The following PIP4K2A variants were observed in gnomAD, a reference collection of about 807,000 sequenced individuals.
The protein encoded by PIP4K2A is phosphatidylinositol 5-phosphate 4-kinase type-2 alpha.
In PIP4K2A, 14 loss-of-function variants were observed where a neutral mutation model predicts 42.9. The observed-to-expected ratio is 0.33, with a 90% CI of 0.22 to 0.51. The LOEUF is 0.51. PIP4K2A is among the 20% of genes least tolerant of loss of function. The pLI, the probability that PIP4K2A is intolerant of heterozygous loss-of-function variation, is 0.97. For missense variants in PIP4K2A, 434 were observed against 519.8 expected, an observed-to-expected ratio of 0.83 and a Z score of 1.61; for synonymous variants, 192 against 192.2, an observed-to-expected ratio of 1.00 and a Z score of 0.01.
intron 1 of PIP4K2A, among the ~76,000 whole-genome samples, chr10:22,658,459 C>A (rs1839143487): frequency 6.6e-6 from 1 of 152,172 alleles, no homozygotes; most frequent in Non-Finnish European, 1.5e-5. Context: ...ACTTAAAATA[C>A]TACCTGTTAA....
chr10:22,560,654 T>C (rs562188134), intron 6 of PIP4K2A, among the ~76,000 whole-genome samples: 11 of 152,348 alleles, frequency 7.2e-5, no homozygotes, highest in East Asian at 1.9e-4. Flanking sequence ...CAAATGCCAA[T>C]TGCAGGGCAG....
chr10:22,639,988 A>G (rs553702862), intron 1 of PIP4K2A, among the ~76,000 whole-genome samples: 25 of 150,474 alleles, frequency 1.7e-4, no homozygotes, highest in African/African-American at 5.9e-4. Flanking sequence ...TCAAATATCA[A>G]TCCAATAGAT....
chr10:22,574,300 A>T (rs917053463), intron 4 of PIP4K2A, among the ~76,000 whole-genome samples: 2 of 152,198 alleles, frequency 1.3e-5, no homozygotes, highest in African/African-American at 4.8e-5. Context: ...CACGTGTGCA[A>T]TCTCCAGGAT....
rs796283275 is a variant in PIP4K2A, at chr10:22,550,901, G to A, written c.679-129C>T. 4 of 651,290 alleles carry A rather than the reference G, an allele frequency of 6.1e-6. No homozygotes were observed. The African/African-American group carries it at 7.2e-5, about 12-fold the overall frequency. 40.3% of individuals were successfully genotyped at this position (651,290 alleles called of 1,614,324 possible). A position where few individuals can be genotyped will look rare whatever the true frequency, so the allele number is the denominator to read the frequency against. On this transcript the variant is annotated intron_variant, in intron 6 of 9. Coordinates refer to ENST00000376573, the MANE Select transcript of PIP4K2A (RefSeq NM_005028.5). ...CCCCACCCCGTTCACCACCACAGGG[G>A]TCTTACCCAAACAATAAAATAGGAG...
chr10:22,676,987 TAGG>T (rs2074662736), intron 1 of PIP4K2A, among the ~76,000 whole-genome samples: 1 of 152,242 alleles, frequency 6.6e-6, no homozygotes, highest in Non-Finnish European at 1.5e-5. Context: ...ATACTAGAAA[TAGG>T]AGAAGAAAAA....
intron 1 of PIP4K2A, among the ~76,000 whole-genome samples, chr10:22,664,421 C>A: frequency 6.8e-6 from 1 of 147,434 alleles, no homozygotes; most frequent in Admixed American, 6.9e-5. Context: ...GTGGTTTTTC[C>A]TCTTCATGGT....
intron 1 of PIP4K2A, among the ~76,000 whole-genome samples, chr10:22,660,691 AT>A (rs1483960973): frequency 6.6e-6 from 1 of 152,126 alleles, no homozygotes; most frequent in African/African-American, 2.4e-5. Context: ...CCTAACCTTA[AT>A]TTCAAATATA....
chr10:22,667,921 A>G (rs1018165226), intron 1 of PIP4K2A, among the ~76,000 whole-genome samples: 6 of 134,106 alleles, frequency 4.5e-5, no homozygotes, highest in Admixed American at 2.2e-4. Context: ...GTGTGTAGAG[A>G]GGGGGAGGGA....
chr10:22,570,571 G>A (rs1836960284), intron 5 of PIP4K2A, among the ~76,000 whole-genome samples: 1 of 152,222 alleles, frequency 6.6e-6, no homozygotes, highest in African/African-American at 2.4e-5. Flanking sequence ...GATCCAGTGT[G>A]TGGGGACTTC....
chr10:22,694,728 A>G lies in PIP4K2A; in HGVS notation c.144+19455T>C, dbSNP rs1839936733. 3 of 152,214 alleles carry G rather than the reference A, an allele frequency of 2.0e-5. No homozygotes were observed. In the South Asian group the frequency reaches 6.2e-4, roughly 32 times the overall value. 9.4% of individuals were successfully genotyped at this position (152,214 alleles called of 1,614,324 possible). Reference sequence around the variant, plus strand: ...TTGAAAAGAAACTCAGACTGTACAGAAAGTATTTTGAAAAGAGATGTGCTT... The same window carrying G: ...TTGAAAAGAAACTCAGACTGTACAGGAAGTATTTTGAAAAGAGATGTGCTT... On this transcript the variant is annotated intron_variant, in intron 1 of 9. Transcript: ENST00000376573.
chr10:22,555,188 A>C (rs913340287), intron 6 of PIP4K2A, among the ~76,000 whole-genome samples: 1 of 152,156 alleles, frequency 6.6e-6, no homozygotes, highest in Non-Finnish European at 1.5e-5. Context: ...GTAGGAGACA[A>C]ACTGAAGCCC....
At position 22,550,837 on chromosome 10, in the gene PIP4K2A, C is replaced by T. The variant is rs1175835889; in HGVS notation, c.679-65G>A. The T allele has an allele frequency of 2.3e-5, 22 of 954,650 alleles. No homozygotes were observed. The Admixed American group carries it at 3.4e-4, about 15-fold the overall frequency. 59.1% of individuals were successfully genotyped at this position (954,650 alleles called of 1,614,324 possible). Reference sequence around the variant, plus strand: ...GAAAACCTAAAAAAACCACATACACCTTCCAACCCTGGACACTGAAGTTTG... The same window carrying T: ...GAAAACCTAAAAAAACCACATACACTTTCCAACCCTGGACACTGAAGTTTG... On this transcript the variant is annotated intron_variant, in intron 6 of 9. Coordinates refer to ENST00000376573, the MANE Select transcript of PIP4K2A (RefSeq NM_005028.5).
intron 1 of PIP4K2A, among the ~76,000 whole-genome samples, chr10:22,631,958 G>A (rs375435723): frequency 3.3e-5 from 5 of 152,144 alleles, no homozygotes; most frequent in South Asian, 2.1e-4. Flanking sequence ...TGGACATCAC[G>A]CGCCTTCTGA....
chr10:22,567,721 G>A (rs543238268), intron 6 of PIP4K2A, 130 bp downstream of exon 6: 10 of 816,670 alleles, frequency 1.2e-5, no homozygotes, highest in Non-Finnish European at 2.0e-5. Flanking sequence ...TTTCTCGCTG[G>A]TGGCAGCAGA....
At chr10:22,562,953 G>A (rs1564422124) in intron 6 of PIP4K2A, among the ~76,000 whole-genome samples, 2 of 152,190 alleles carry the variant, frequency 1.3e-5, no homozygotes. Flanking sequence ...GTCGGTGACG[G>A]TGGGTGGGAG....
intron 4 of PIP4K2A, among the ~76,000 whole-genome samples, chr10:22,575,692 C>T (rs1564427305): frequency 6.6e-6 from 1 of 152,108 alleles, no homozygotes; most frequent in Admixed American, 6.5e-5. Flanking sequence ...GTAATCCCAG[C>T]ACTTTTGGAG....
At chr10:22,620,686 T>C (rs1428985815) in intron 1 of PIP4K2A, among the ~76,000 whole-genome samples, 1 of 152,220 alleles carries the variant, frequency 6.6e-6, no homozygotes, top group Non-Finnish European at 1.5e-5. Context: ...ACTCATCTGG[T>C]GCTGAGTAGC....
intron 1 of PIP4K2A, among the ~76,000 whole-genome samples, chr10:22,687,657 C>T (rs1839790400): frequency 1.3e-5 from 2 of 152,070 alleles, no homozygotes; most frequent in African/African-American, 4.8e-5. Context: ...CACCAAAATC[C>T]GCAACGATCA....
intron 6 of PIP4K2A, among the ~76,000 whole-genome samples, chr10:22,564,910 G>A (rs1393676061): frequency 6.6e-6 from 1 of 152,194 alleles, no homozygotes; most frequent in Non-Finnish European, 1.5e-5. Flanking sequence ...CCTCACGAAA[G>A]CATCTGACGC....
Sources: gnomAD v4.1 joint callset for allele counts (sites outside exome capture counted in the v4.1 genomes callset) on GRCh38, gnomAD v4.1.1 for gene constraint, MANE v1.5 for transcripts, NCBI Gene and HGNC (gene_info 2026-07-23, HGNC 2026-07-21) for gene names.